SEC24B: variants seen among roughly 807,000 people sequenced by gnomAD.
The protein encoded by SEC24B is protein transport protein Sec24B.
In SEC24B, 45 loss-of-function variants were observed where a neutral mutation model predicts 142.8. The observed-to-expected ratio is 0.32, with a 90% CI of 0.25 to 0.40. The LOEUF (loss-of-function observed/expected upper bound fraction) is 0.40, where lower values mean the gene tolerates loss of function less well. Among genes scored for constraint, SEC24B ranks in the 10% least tolerant of loss-of-function variants. SEC24B has a pLI of 1.00. For missense variants in SEC24B, 1,409 were observed against 1,526.8 expected, an observed-to-expected ratio of 0.92 and a Z score of 1.29; for synonymous variants, 574 against 568.2, an observed-to-expected ratio of 1.01 and a Z score of -0.15.
At chr4:109,525,983 C>T (rs1724179200) in intron 16 of SEC24B, among the ~76,000 whole-genome samples, 1 of 152,082 alleles carries the variant, frequency 6.6e-6, no homozygotes, top group African/African-American at 2.4e-5. Flanking sequence ...CTTCAAGTCA[C>T]ATGTGAGAAA....
At chr4:109,489,252 T>C (rs1409270137) in intron 4 of SEC24B, among the ~76,000 whole-genome samples, 1 of 152,092 alleles carries the variant, frequency 6.6e-6, no homozygotes, top group African/African-American at 2.4e-5. Context: ...ATGATCCATT[T>C]TGAGTTAGTT....
intron 3 of SEC24B, among the ~76,000 whole-genome samples, chr4:109,479,583 C>T (rs561664729): frequency 1.2e-4 from 19 of 152,160 alleles, no homozygotes; most frequent in African/African-American, 4.6e-4. Flanking sequence ...GAGCAGGGCG[C>T]CATGCCTGGC....
Position 109,527,225 on chromosome 4 carries a change from A to G in SEC24B, c.2966-97A>G, listed in dbSNP as rs1230803255. ...CAGAGCAAGACTCCGTCTCAAAAAAAAAAAAAAGAAAGAAAGAAAGAAAAA... is the reference window on the plus strand; with the variant it reads ...CAGAGCAAGACTCCGTCTCAAAAAAGAAAAAAAGAAAGAAAGAAAGAAAAA... On this transcript the variant is annotated intron_variant, in intron 17 of 23. Coordinates refer to ENST00000265175, the MANE Select transcript of SEC24B (RefSeq NM_006323.5). 29 of 909,448 alleles carry G rather than the reference A, an allele frequency of 3.2e-5. No individual in the cohort carries two copies. In the East Asian group the frequency reaches 6.6e-4, roughly 21 times the overall value. 56.3% of individuals were successfully genotyped at this position (909,448 alleles called of 1,614,324 possible).
At chr4:109,454,852 A>G (rs1162462286) in intron 1 of SEC24B, among the ~76,000 whole-genome samples, 1 of 152,234 alleles carries the variant, frequency 6.6e-6, no homozygotes, top group Non-Finnish European at 1.5e-5. Flanking sequence ...TAAGACCCCT[A>G]TTCCAGAGAG....
intron 1 of SEC24B, among the ~76,000 whole-genome samples, chr4:109,436,876 T>G (rs1259831887): frequency 6.6e-6 from 1 of 152,254 alleles, no homozygotes; most frequent in East Asian, 1.9e-4. Flanking sequence ...TCCTTTGCCC[T>G]GTACATCTCT....
chr4:109,444,214 C>CA (rs539104834), intron 1 of SEC24B, among the ~76,000 whole-genome samples: 14,002 of 79,874 alleles, frequency 0.18, 2,733 homozygotes, highest in African/African-American at 0.47. Flanking sequence ...AACTCCATCT[C>CA]AAAAAAAAAA....
At chr4:109,524,752 A>C in intron 14 of SEC24B, 66 bp from the exon 15 acceptor site, 1 of 1,480,450 alleles carries the variant, frequency 6.8e-7, no homozygotes, top group Non-Finnish European at 9.1e-7. Context: ...CCTTTTTGTT[A>C]TAAAAATGAC....
Position 109,506,334 on chromosome 4 carries a change from C to T in SEC24B, c.1495C>T (p.Pro499Ser), listed in dbSNP as rs1395220729. ...SGFQQYPQQY[P>S]GVNQLSSSIG... is the part of the protein sequence containing the mutation. Reference sequence around the variant, plus strand: ...TTTTGAATTGCTCTTTCAGCAGTATCCTGGTGTGAACCAGCTATCCTCCAG... The same window carrying T: ...TTTTGAATTGCTCTTTCAGCAGTATTCTGGTGTGAACCAGCTATCCTCCAG... The change falls in exon 7 of 24, where the codon CCT becomes TCT. Residue 499 changes from proline to serine, a missense_variant. Transcript: ENST00000265175. 7 of 1,554,250 alleles carry T rather than the reference C, an allele frequency of 4.5e-6. No individual in the cohort carries two copies. The South Asian group carries it at 5.1e-5, about 11-fold the overall frequency.
At position 109,481,000 on chromosome 4, in the gene SEC24B, C is replaced by T. The variant is rs148568336; in HGVS notation, c.1061-677C>T. On this transcript the variant is annotated intron_variant, in intron 3 of 23. Transcript: ENST00000265175. The stretch of plus-strand genomic sequence containing the variant: ...CAGGACCAGTCTTATTCACCTGTTT[C>T]GGACTCACATGTAGGCAATAGGATG... Among the ~76,000 whole-genome samples, 582 of 152,174 alleles carry T rather than the reference C, an allele frequency of 3.8e-3. 4 individuals carry two copies. The highest frequency in any genetic ancestry group is 0.012 in the African/African-American group (517 of 41,520).
Position 109,531,428 on chromosome 4 carries a change from T to A in SEC24B, c.3296T>A (p.Val1099Glu). Residue 1099 changes from valine (V) to glutamate (E), a missense_variant, in exon 20 of 24, where the codon GTA becomes GAA. Physicochemically the swap from Val to Glu is moderately radical, Grantham distance 121. This residue lies in a region of SEC24B where 700 missense variants were observed against 853.3 expected (regional missense o/e 0.82). Transcript: ENST00000265175. ...TGTSTRLDDR[V>E]YAMCQIKSQP... is the part of the protein sequence containing the mutation. ...ACAAGCACACGGCTGGATGATCGTGTATATGCCATGTGTCAGATAAAGTCT... is the reference window on the plus strand; with the variant it reads ...ACAAGCACACGGCTGGATGATCGTGAATATGCCATGTGTCAGATAAAGTCT... The A allele has an allele frequency of 6.2e-7, 1 of 1,613,642 alleles. No individual in the cohort carries two copies. Among genetic ancestry groups the A allele is most frequent in the Non-Finnish European group, 8.5e-7 (1 of 1,179,516 alleles).
At chr4:109,459,562 G>A (rs554207071) in intron 1 of SEC24B, among the ~76,000 whole-genome samples, 2 of 152,164 alleles carry the variant, frequency 1.3e-5, no homozygotes, top group South Asian at 2.1e-4. Flanking sequence ...GAAATAGTAA[G>A]CATCCACATA....
In SEC24B at chr4:109,538,603, A is replaced by G; in HGVS notation, c.3692+7A>G. 2 of 1,513,328 alleles carry G rather than the reference A, an allele frequency of 1.3e-6. No homozygotes were observed. Among genetic ancestry groups the G allele is most frequent in the East Asian group, 2.3e-5 (1 of 44,314 alleles). 93.7% of individuals were successfully genotyped at this position (1,513,328 alleles called of 1,614,324 possible). A position where few individuals can be genotyped will look rare whatever the true frequency, so the allele number is the denominator to read the frequency against. ...CAATCCTTCACATAGTAAAGTAAGTACTTTTGTAACTTAATTATGAAGTTG... is the reference window on the plus strand; with the variant it reads ...CAATCCTTCACATAGTAAAGTAAGTGCTTTTGTAACTTAATTATGAAGTTG... On this transcript the variant is annotated splice_region_variant and intron_variant, in intron 23 of 23. Coordinates refer to ENST00000265175, the MANE Select transcript of SEC24B (RefSeq NM_006323.5).
intron 9 of SEC24B, among the ~76,000 whole-genome samples, chr4:109,512,503 T>C (rs1235468962): frequency 6.6e-6 from 1 of 152,142 alleles, no homozygotes; most frequent in African/African-American, 2.4e-5. Context: ...CCTACTAGAG[T>C]TGCTTTCAAA....
intron 19 of SEC24B, 53 bp from the exon 20 acceptor site, chr4:109,531,332 T>G: frequency 6.8e-7 from 1 of 1,467,858 alleles, no homozygotes; most frequent in Non-Finnish European, 9.4e-7. Flanking sequence ...TGTTTTAATA[T>G]TTGTCCACCA....
chr4:109,488,862 G>T, intron 4 of SEC24B: 1 of 162,964 alleles, frequency 6.1e-6, no homozygotes. Context: ...TTGTGATGTT[G>T]AGCATCTTTT....
chr4:109,478,373 A>G (rs1262508171), intron 3 of SEC24B, among the ~76,000 whole-genome samples: 10 of 152,102 alleles, frequency 6.6e-5, no homozygotes, highest in Non-Finnish European at 2.9e-5. Context: ...ATGTGCCCTG[A>G]AAAGAACAGC....
At chr4:109,450,694 C>T (rs1416868805) in intron 1 of SEC24B, 1 of 149,326 alleles carries the variant, frequency 6.7e-6, no homozygotes, top group Non-Finnish European at 1.5e-5. Flanking sequence ...CTAATTTTAG[C>T]ATGTCACTCA....
At chr4:109,440,830 C>T (rs909632400) in intron 1 of SEC24B, among the ~76,000 whole-genome samples, 3 of 152,100 alleles carry the variant, frequency 2.0e-5, no homozygotes, top group South Asian at 2.1e-4. Context: ...GTTTCCTATT[C>T]GTTATTGCTT....
Position 109,501,886 on chromosome 4 carries a change from A to C in SEC24B, c.1489-4442A>C, listed in dbSNP as rs1038310821. 2.0e-5 allele frequency among the ~76,000 whole-genome samples: 3 copies of C among 152,266 alleles called. No homozygotes were observed. The East Asian group carries it at 5.8e-4, about 29-fold the overall frequency. ...ATACGAGAGGAGGCTCAGTGAACCA[A>C]ACAGTTCCTGCTCTTAAGAAGGTTG... is the stretch of plus-strand genomic sequence containing the variant. On this transcript the variant is annotated intron_variant, in intron 6 of 23. Coordinates refer to ENST00000265175, the MANE Select transcript of SEC24B (RefSeq NM_006323.5).
Sources: allele counts gnomAD v4.1 joint callset (sites outside exome capture counted in the v4.1 genomes callset), GRCh38; gene constraint gnomAD v4.1.1; regional missense constraint gnomAD v4.1.1; transcripts MANE v1.5; gene names NCBI Gene and HGNC (gene_info 2026-07-23, HGNC 2026-07-21).